Variants in AGPAT3 observed in about 807,000 individuals in gnomAD.
AGPAT3 encodes the protein 1-acylglycerol-3-phosphate O-acyltransferase 3.
A neutral mutation model predicts 47.3 loss-of-function variants in AGPAT3; 5 were observed. The observed-to-expected ratio is 0.11, with a 90% CI of 0.06 to 0.22. The LOEUF (loss-of-function observed/expected upper bound fraction) is 0.22. Ranked by LOEUF, AGPAT3 falls within the 10% of genes least tolerant of loss-of-function variation. The pLI is 1.00. For synonymous variants in AGPAT3, 212 were observed against 208.3 expected, an observed-to-expected ratio of 1.02 and a Z score of -0.15; for missense variants, 315 against 493.0, an observed-to-expected ratio of 0.64 and a Z score of 3.42.
intron 1 of AGPAT3, among the ~76,000 whole-genome samples, chr21:43,888,435 T>C (rs181218097): frequency 6.6e-6 from 1 of 152,268 alleles, no homozygotes; most frequent in African/African-American, 2.4e-5. Flanking sequence ...ATGCTGGGCT[T>C]AATGCCTAGG....
intron 1 of AGPAT3, among the ~76,000 whole-genome samples, chr21:43,872,456 C>T (rs2085642542): frequency 6.6e-6 from 1 of 152,224 alleles, no homozygotes; most frequent in Non-Finnish European, 1.5e-5. Flanking sequence ...GTTGGAATTA[C>T]AGGCGTGAGC....
At chr21:43,975,694 A>G (rs2089591833) in intron 7 of AGPAT3, among the ~76,000 whole-genome samples, 1 of 152,182 alleles carries the variant, frequency 6.6e-6, no homozygotes, top group South Asian at 2.1e-4. Flanking sequence ...CGTGGACAGC[A>G]GGTTCCTACC....
At position 43,953,465 on chromosome 21, in the gene AGPAT3, A is replaced by G. The variant is rs554523430; in HGVS notation, c.-48-6169A>G. On this transcript the variant is annotated intron_variant, in intron 2 of 9. Coordinates refer to ENST00000291572, the MANE Select transcript of AGPAT3 (RefSeq NM_020132.5). Reference sequence around the variant, plus strand: ...GACCTTTTTAGCTTAAAGCCTGTGCATAAGAAATAGGCAAGTGAGTTTTAG... The same window carrying G: ...GACCTTTTTAGCTTAAAGCCTGTGCGTAAGAAATAGGCAAGTGAGTTTTAG... Among the ~76,000 whole-genome samples, 21 of 152,378 alleles carry G rather than the reference A, an allele frequency of 1.4e-4. No homozygotes were observed. The South Asian group carries it at 1.7e-3, about 12-fold the overall frequency.
At chr21:43,961,463 C>G (rs1479127725) in intron 3 of AGPAT3, among the ~76,000 whole-genome samples, 2 of 149,426 alleles carry the variant, frequency 1.3e-5, no homozygotes, top group East Asian at 4.0e-4. Context: ...AGGGTGAGCA[C>G]GTAGACACTT....
intron 2 of AGPAT3, among the ~76,000 whole-genome samples, chr21:43,926,432 G>A (rs1222812640): frequency 6.6e-6 from 1 of 152,114 alleles, no homozygotes; most frequent in Admixed American, 6.5e-5. Flanking sequence ...CAGGACTGGG[G>A]GTGATTTTAT....
chr21:43,985,394 G>T lies in AGPAT3; in HGVS notation c.*3002G>T. ...ACAACAATGTAAGCAGCACTTTCTTGTGTAAAAAAAAAAAAAAAGCACGTC... is the reference window on the plus strand; with the variant it reads ...ACAACAATGTAAGCAGCACTTTCTTTTGTAAAAAAAAAAAAAAAGCACGTC... On this transcript the variant is annotated 3_prime_UTR_variant, in exon 10 of 10. Transcript: ENST00000291572. 12 of 285,210 alleles carry T rather than the reference G, an allele frequency of 4.2e-5. No individual in the cohort carries two copies. Among genetic ancestry groups the T allele is most frequent in the South Asian group, 1.2e-4 (4 of 33,506 alleles). The allele number at this position is 285,210 out of a possible 1,614,324, so 17.7% of individuals were successfully genotyped here. A position where few individuals can be genotyped will look rare whatever the true frequency, so the allele number is the denominator to read the frequency against.
chr21:43,918,533 G>T (rs2086811791), intron 2 of AGPAT3, among the ~76,000 whole-genome samples: 1 of 151,928 alleles, frequency 6.6e-6, no homozygotes, highest in East Asian at 1.9e-4. Flanking sequence ...GGGACACTTG[G>T]TTACATTTTA....
At chr21:43,869,196 G>C (rs962763934) in intron 1 of AGPAT3, among the ~76,000 whole-genome samples, 1 of 152,178 alleles carries the variant, frequency 6.6e-6, no homozygotes, top group Non-Finnish European at 1.5e-5. Context: ...TCTATGCTCA[G>C]CTTTTTACGG....
chr21:43,968,208 A>T, intron 4 of AGPAT3, 93 bp downstream of exon 4: 501 of 452,256 alleles, frequency 1.1e-3, no homozygotes, highest in East Asian at 2.0e-3. Context: ...CGGGGTGAGC[A>T]GGGGGTCCCT....
In AGPAT3 at chr21:43,985,412, AG is replaced by A. The variant is rs2030180000; in HGVS notation, c.*3021del. ...CTTTCTTGTGTAAAAAAAAAAAAAAAGCACGTCCTGTCGATGAATTTTGAGT... is the reference window on the plus strand; with the variant it reads ...CTTTCTTGTGTAAAAAAAAAAAAAAACACGTCCTGTCGATGAATTTTGAGT... On this transcript the variant is annotated 3_prime_UTR_variant, in exon 10 of 10. Coordinates refer to ENST00000291572, the MANE Select transcript of AGPAT3 (RefSeq NM_020132.5). 1 of 327,916 alleles carries A rather than the reference AG, an allele frequency of 3.0e-6. No homozygotes were observed. Among genetic ancestry groups the A allele is most frequent in the African/African-American group, 2.2e-5 (1 of 45,742 alleles). 20.3% of individuals were successfully genotyped at this position (327,916 alleles called of 1,614,324 possible).
chr21:43,949,711 A>G lies in AGPAT3; in HGVS notation c.-48-9923A>G, dbSNP rs939872162. On this transcript the variant is annotated intron_variant, in intron 2 of 9. Transcript: ENST00000291572. ...TCCATTTGTTCAGCTCTGCTTTTGTATCTTTCAAGATGTTCTGTGGTTTCC... is the reference window on the plus strand; with the variant it reads ...TCCATTTGTTCAGCTCTGCTTTTGTGTCTTTCAAGATGTTCTGTGGTTTCC... Among the ~76,000 whole-genome samples, 5 of 152,152 alleles carry G rather than the reference A, an allele frequency of 3.3e-5. No individual in the cohort carries two copies. The East Asian group carries it at 7.7e-4, about 23-fold the overall frequency.
At chr21:43,910,264 C>T (rs1466626050) in intron 2 of AGPAT3, among the ~76,000 whole-genome samples, 3 of 152,170 alleles carry the variant, frequency 2.0e-5, no homozygotes, top group African/African-American at 4.8e-5. Flanking sequence ...GTCCTGCGCC[C>T]GTGAGAGGGT....
rs370551390 is a variant in AGPAT3 at position 43,932,494 on chromosome 21, T to C, written c.-48-27140T>C. ...ACGGCGTTACGCACCGCACGCTCGC[T>C]ATCCATTCGTCTGTTGGTGGGCACC... On this transcript the variant is annotated intron_variant, in intron 2 of 9. Transcript: ENST00000291572. The surrounding 1 kb of genome is among the most constrained non-coding windows in gnomAD (Gnocchi z 5.2). 6.6e-6 allele frequency among the ~76,000 whole-genome samples: 1 copy of C among 152,252 alleles called. No homozygotes were observed.
chr21:43,895,983 G>A (rs1182007168), intron 1 of AGPAT3, among the ~76,000 whole-genome samples: 1 of 152,198 alleles, frequency 6.6e-6, no homozygotes, highest in Non-Finnish European at 1.5e-5. Flanking sequence ...GGCCAGGCTG[G>A]TCCCGAACTC....
chr21:43,897,373 T>G (rs1488448288), intron 1 of AGPAT3, among the ~76,000 whole-genome samples: 1 of 152,038 alleles, frequency 6.6e-6, no homozygotes, highest in Non-Finnish European at 1.5e-5. Flanking sequence ...ACAGACACAG[T>G]AACAATCTGA....
Position 43,982,331 on chromosome 21 carries a change from G to A in AGPAT3, c.1070G>A (p.Gly357Glu). The A allele has an allele frequency of 1.2e-6, 2 of 1,613,954 alleles. No individual in the cohort carries two copies. The highest frequency in any genetic ancestry group is 1.7e-5 in the Admixed American group (1 of 60,014). Residue 357 changes from glycine to glutamate, a missense_variant, in exon 10 of 10, where the codon GGA becomes GAA. Physicochemically the swap from Gly to Glu is moderately conservative, Grantham distance 98 (BLOSUM62 -2). Transcript: ENST00000291572. This position sits in a 1 kb window ranked among gnomAD's most constrained non-coding sequence, Gnocchi z 6.2. ...AASFGVRRLI[G>E]VTEIEKGSSY... ...TCCTTTGGAGTTCGCAGACTGATAG[G>A]AGTAACTGAGATAGAAAAAGGCTCC...
At chr21:43,942,466 G>A (rs551176770) in intron 2 of AGPAT3, among the ~76,000 whole-genome samples, 6 of 152,302 alleles carry the variant, frequency 3.9e-5, no homozygotes, top group South Asian at 2.1e-4. Context: ...GGTACCTGGC[G>A]ACGGACAGCA....
At chr21:43,960,636 A>G in intron 3 of AGPAT3, 1 of 498,266 alleles carries the variant, frequency 2.0e-6, no homozygotes, top group Non-Finnish European at 2.6e-6. Context: ...TTATAGTAGC[A>G]CAAAACTAGA....
intron 2 of AGPAT3, among the ~76,000 whole-genome samples, chr21:43,929,969 G>A (rs550469499): frequency 3.3e-5 from 5 of 152,350 alleles, no homozygotes; most frequent in Non-Finnish European, 5.9e-5. Context: ...TGACAGACGC[G>A]TTCTCTGGAG....
Sources: gnomAD v4.1 joint callset for allele counts (sites outside exome capture counted in the v4.1 genomes callset) on GRCh38, gnomAD v4.1.1 for gene constraint, Gnocchi (gnomAD v3.1) non-coding constraint, MANE v1.5 for transcripts, NCBI Gene and HGNC (gene_info 2026-07-23, HGNC 2026-07-21) for gene names.